The following ADGRB3 variants were observed in gnomAD, a reference collection of about 807,000 sequenced individuals.
ADGRB3 encodes brain-specific angiogenesis inhibitor 3.
Under a neutral mutation model 193.4 loss-of-function variants are expected in ADGRB3, and 37 were observed. The observed-to-expected ratio is 0.19, with a 90% CI of 0.15 to 0.25. The LOEUF (loss-of-function observed/expected upper bound fraction) is 0.25, where lower values mean the gene tolerates loss of function less well. Among genes scored for constraint, ADGRB3 ranks in the 10% least tolerant of loss-of-function variants. The probability of loss-of-function intolerance (pLI) is 1.00; values close to 1 mark genes in which losing one functional copy is unlikely to be tolerated. For missense variants in ADGRB3, 1,637 were observed against 1,852.9 expected, an observed-to-expected ratio of 0.88 and a Z score of 2.14; for synonymous variants, 690 against 644.2, an observed-to-expected ratio of 1.07 and a Z score of -1.08.
chr6:69,210,149 C>CATATATATATATATATATGTATATATAT (rs1765629292), intron 17 of ADGRB3, among the ~76,000 whole-genome samples: 1 of 78,940 alleles, frequency 1.3e-5, no homozygotes, highest in Non-Finnish European at 2.5e-5. Context: ...TAATATATAT[C>CATATATATATATATATATGTATATATAT]ATATATATAT....
intron 3 of ADGRB3, among the ~76,000 whole-genome samples, chr6:68,671,849 C>A (rs925451887): frequency 6.6e-6 from 1 of 151,908 alleles, no homozygotes; most frequent in East Asian, 1.9e-4. Flanking sequence ...GGTATTAGGT[C>A]TTCTTTAAGT....
intron 13 of ADGRB3, among the ~76,000 whole-genome samples, chr6:69,029,386 C>T (rs1221372204): frequency 6.6e-6 from 1 of 152,190 alleles, no homozygotes; most frequent in Non-Finnish European, 1.5e-5. Context: ...CCTTCAGTCT[C>T]CATCCCTTCA....
Position 69,377,361 on chromosome 6 carries a change from G to C in ADGRB3, c.4275+4920G>C, listed in dbSNP as rs551431671. On this transcript the variant is annotated intron_variant, in intron 30 of 31. Coordinates refer to ENST00000370598, the MANE Select transcript of ADGRB3 (RefSeq NM_001704.3). The stretch of plus-strand genomic sequence containing the variant: ...CAGTGGCCCCTTATTCTCCTCCAAA[G>C]TAAGTCATAGATACCAGAATTCCTC... Among the ~76,000 whole-genome samples the C allele has an allele frequency of 3.3e-5, 5 of 152,128 alleles. No homozygotes were observed. The South Asian group carries it at 1.0e-3, about 32-fold the overall frequency.
intron 11 of ADGRB3, among the ~76,000 whole-genome samples, chr6:69,003,343 A>AT (rs1187454802): frequency 2.0e-5 from 3 of 151,860 alleles, no homozygotes; most frequent in East Asian, 1.9e-4. Context: ...TTTATTTTTT[A>AT]TTTTTTTCAC....
intron 17 of ADGRB3, among the ~76,000 whole-genome samples, chr6:69,092,250 T>C (rs1772731373): frequency 6.6e-6 from 1 of 152,212 alleles, no homozygotes; most frequent in Non-Finnish European, 1.5e-5. Context: ...ATGTCTTGCC[T>C]AAAGGAGTAC....
intron 3 of ADGRB3, among the ~76,000 whole-genome samples, chr6:68,862,131 A>ACCC (rs34902902): frequency 1.4e-5 from 2 of 141,348 alleles, no homozygotes; most frequent in African/African-American, 5.2e-5. Context: ...AGGAGGAGGG[A>ACCC]CCCCCCCCCC....
At chr6:68,792,821 T>C (rs1767134462) in intron 3 of ADGRB3, among the ~76,000 whole-genome samples, 1 of 152,170 alleles carries the variant, frequency 6.6e-6, no homozygotes, top group African/African-American at 2.4e-5. Flanking sequence ...ACTCTTATAC[T>C]TCAGATACTG....
At chr6:68,819,294 C>A (rs562549724) in intron 3 of ADGRB3, among the ~76,000 whole-genome samples, 1 of 151,838 alleles carries the variant, frequency 6.6e-6, no homozygotes, top group African/African-American at 2.4e-5. Flanking sequence ...CATTTCTCAT[C>A]GCTCTCCTCC....
At chr6:69,151,851 A>T (rs998833592) in intron 17 of ADGRB3, among the ~76,000 whole-genome samples, 3 of 152,138 alleles carry the variant, frequency 2.0e-5, no homozygotes, top group Admixed American at 2.0e-4. Context: ...GTGCCATGGG[A>T]GGGACCCAGT....
rs373138932 is a variant in ADGRB3, at chr6:68,839,599, T to TG, written c.758-90959dup. Among the ~76,000 whole-genome samples the TG allele has an allele frequency of 2.3e-4, 35 of 152,292 alleles. No homozygotes were observed. In the East Asian group the frequency reaches 6.4e-3, roughly 28 times the overall value. On this transcript the variant is annotated intron_variant, in intron 3 of 31. Transcript: ENST00000370598. Reference sequence around the variant, plus strand: ...CTGTCTGTACCTAGCCTTACACTTCTGCTCCTCACTGGCCATTAGAAAAGC... The same window carrying TG: ...CTGTCTGTACCTAGCCTTACACTTCTGGCTCCTCACTGGCCATTAGAAAAGC...
intron 3 of ADGRB3, among the ~76,000 whole-genome samples, chr6:68,699,817 G>A (rs959863567): frequency 6.6e-6 from 1 of 151,598 alleles, no homozygotes; most frequent in African/African-American, 2.4e-5. Flanking sequence ...AGCAGTAGGT[G>A]GGGGGCATGG....
intron 9 of ADGRB3, 21 bp from the exon 10 acceptor site, chr6:68,975,213 T>C: frequency 6.3e-7 from 1 of 1,597,988 alleles, no homozygotes; most frequent in South Asian, 1.1e-5. Flanking sequence ...AAAGCTTCTC[T>C]CTGTTCTTTG....
chr6:68,754,952 T>C (rs1766271822), intron 3 of ADGRB3, among the ~76,000 whole-genome samples: 1 of 152,174 alleles, frequency 6.6e-6, no homozygotes, highest in Non-Finnish European at 1.5e-5. Context: ...ACAAGCCAAG[T>C]ATAACAGTGT....
rs537485169 is a variant in ADGRB3, at chr6:68,761,731, G to A, written c.757+122299G>A. Among the ~76,000 whole-genome samples, 82 of 146,138 alleles carry A rather than the reference G, an allele frequency of 5.6e-4. 10 individuals are homozygous for A. Among genetic ancestry groups the A allele is most frequent in the African/African-American group, 2.1e-3 (79 of 38,234 alleles). On this transcript the variant is annotated intron_variant, in intron 3 of 31. Coordinates refer to ENST00000370598, the MANE Select transcript of ADGRB3 (RefSeq NM_001704.3). ...TCAAACTTGTTTGTCCTCTGATCAA[G>A]TCTAAGGTTTTTAAACAGGACAATG...
chr6:69,201,166 AT>A (rs1311663715), intron 17 of ADGRB3, among the ~76,000 whole-genome samples: 1 of 152,016 alleles, frequency 6.6e-6, no homozygotes, highest in African/African-American at 2.4e-5. Context: ...AAACACCATG[AT>A]TATTTCCCTT....
chr6:69,268,651 G>A (rs935858792), intron 20 of ADGRB3, among the ~76,000 whole-genome samples: 6 of 152,142 alleles, frequency 3.9e-5, no homozygotes, highest in Non-Finnish European at 8.8e-5. Context: ...CATGGAAGCA[G>A]TTCTTTGGGT....
intron 15 of ADGRB3, among the ~76,000 whole-genome samples, chr6:69,049,656 G>T (rs1484579011): frequency 5.3e-5 from 8 of 152,112 alleles, no homozygotes; most frequent in Non-Finnish European, 7.4e-5. Context: ...ATGGGTCATT[G>T]TAAAATTGAT....
At position 68,878,256 on chromosome 6, in the gene ADGRB3, TTCA is replaced by T. The variant is rs1765644601; in HGVS notation, c.758-52301_758-52299del. 2.0e-5 allele frequency among the ~76,000 whole-genome samples: 3 copies of T among 152,240 alleles called. No individual in the cohort carries two copies. The South Asian group carries it at 6.2e-4, about 32-fold the overall frequency. ...TCAGAGGATTTTATTTTGTGTTTAC[TTCA>T]TTATTATAAGAAAGACATAAAATTT... On this transcript the variant is annotated intron_variant, in intron 3 of 31. Coordinates refer to ENST00000370598, the MANE Select transcript of ADGRB3 (RefSeq NM_001704.3).
Position 69,273,860 on chromosome 6 carries a change from A to G in ADGRB3, c.2814+34634A>G, listed in dbSNP as rs572242380. 7.2e-5 allele frequency among the ~76,000 whole-genome samples: 11 copies of G among 152,304 alleles called. No individual in the cohort carries two copies. In the East Asian group the frequency reaches 1.2e-3, roughly 16 times the overall value. Reference sequence around the variant, plus strand: ...ATATGGACTACTATTCTAGAAAACAATCTGTCACTGGGGGTAAATTCTCAC... The same window carrying G: ...ATATGGACTACTATTCTAGAAAACAGTCTGTCACTGGGGGTAAATTCTCAC... On this transcript the variant is annotated intron_variant, in intron 20 of 31. Transcript: ENST00000370598.
Sources: allele counts gnomAD v4.1 joint callset (sites outside exome capture counted in the v4.1 genomes callset), GRCh38; gene constraint gnomAD v4.1.1; transcripts MANE v1.5; gene names NCBI Gene and HGNC (gene_info 2026-07-23, HGNC 2026-07-21).